KLC4: variants seen among roughly 807,000 people sequenced by gnomAD.
The protein encoded by KLC4 is kinesin light chain 4.
Under a neutral mutation model 77.2 loss-of-function variants are expected in KLC4, and 49 were observed. The ratio of observed to expected loss-of-function variants is 0.63; its 90% CI spans 0.50 to 0.80. The LOEUF (loss-of-function observed/expected upper bound fraction) is 0.80, where lower values mean the gene tolerates loss of function less well. Ranked by LOEUF, KLC4 falls within the 30% of genes least tolerant of loss-of-function variation. The pLI, the probability that KLC4 is intolerant of heterozygous loss-of-function variation, is 0.00. For synonymous variants in KLC4, 274 were observed against 314.5 expected, an observed-to-expected ratio of 0.87 and a Z score of 1.36; for missense variants, 669 against 793.5, an observed-to-expected ratio of 0.84 and a Z score of 1.89.
chr6:43,070,631 C>G (rs745335714), intron 7 of KLC4, 61 bp from the exon 8 acceptor site: 1 of 1,525,026 alleles, frequency 6.6e-7, no homozygotes, highest in Non-Finnish European at 9.0e-7. Flanking sequence ...TGCAAACACA[C>G]GTGTGCTTGT....
chr6:43,066,872 C>T lies in KLC4; in HGVS notation c.792-124C>T, dbSNP rs958610086. ...AGTGAAGCCCCCTTACTGTCCACGCCAGGCTTCCTGTCTCCTCATGGAGGT... is the reference window on the plus strand; with the variant it reads ...AGTGAAGCCCCCTTACTGTCCACGCTAGGCTTCCTGTCTCCTCATGGAGGT... On this transcript the variant is annotated intron_variant, in intron 5 of 15. Transcript: ENST00000347162. 6 of 1,417,714 alleles carry T rather than the reference C, an allele frequency of 4.2e-6. No individual in the cohort carries two copies. In the South Asian group the frequency reaches 5.6e-5, roughly 13 times the overall value. 87.8% of individuals were successfully genotyped at this position (1,417,714 alleles called of 1,614,324 possible). A position where few individuals can be genotyped will look rare whatever the true frequency, so the allele number is the denominator to read the frequency against.
At chr6:43,062,213 T>A (rs957684201) in intron 2 of KLC4, among the ~76,000 whole-genome samples, 2 of 152,130 alleles carry the variant, frequency 1.3e-5, no homozygotes, top group Non-Finnish European at 2.9e-5. Context: ...GGGAGATGGA[T>A]CAAGTGGAAC....
rs1765434933 is a variant in KLC4, at chr6:43,066,435, G to GT, written c.702dup (p.Lys235Ter). The GT allele has an allele frequency of 6.2e-7, 1 of 1,614,074 alleles. No homozygotes were observed. On this transcript the variant is annotated frameshift_variant, in exon 5 of 16. Transcript: ENST00000347162. LOFTEE classifies it high-confidence loss of function. Reference sequence around the variant, plus strand: ...CGCTATGAGGTGGCCGTGCCACTCTGTAAGCAGGCACTAGAGGACCTGGAG... The same window carrying GT: ...CGCTATGAGGTGGCCGTGCCACTCTGTTAAGCAGGCACTAGAGGACCTGGAG...
intron 10 of KLC4, 75 bp from the exon 11 acceptor site, chr6:43,071,777 C>G (rs950403173): frequency 6.5e-7 from 1 of 1,531,782 alleles, no homozygotes; most frequent in Non-Finnish European, 8.9e-7. Context: ...CCCATGCCAC[C>G]TTGCATCTCA....
At chr6:43,060,554 C>T in intron 1 of KLC4, 1 of 1,247,380 alleles carries the variant, frequency 8.0e-7, no homozygotes, top group Non-Finnish European at 1.0e-6. Context: ...AGAACAGTTT[C>T]TTCCGTGCTC....
intron 6 of KLC4, among the ~76,000 whole-genome samples, chr6:43,068,624 A>G (rs1417814959): frequency 6.6e-6 from 1 of 152,064 alleles, no homozygotes; most frequent in Non-Finnish European, 1.5e-5. Flanking sequence ...CCTGGCCAAC[A>G]TGGTAAAACC....
intron 6 of KLC4, 93 bp from the exon 7 acceptor site, chr6:43,070,257 CAGTG>C: frequency 1.3e-6 from 1 of 758,656 alleles, no homozygotes; most frequent in Non-Finnish European, 2.3e-6. Flanking sequence ...TAGAGTTGTG[CAGTG>C]AGTGTTGGGC....
At chr6:43,067,212 A>T in intron 6 of KLC4, 129 bp downstream of exon 6, 1 of 1,445,042 alleles carries the variant, frequency 6.9e-7, no homozygotes, top group Non-Finnish European at 9.2e-7. Flanking sequence ...AGGCATAAGA[A>T]GTCCTTTCTT....
intron 8 of KLC4, 76 bp from the exon 9 acceptor site, chr6:43,071,199 C>CT (rs1481824417): frequency 1.1e-5 from 8 of 725,440 alleles, no homozygotes; most frequent in African/African-American, 6.3e-5. Context: ...AAGACCTTGT[C>CT]TAAAAAAAAA....
intron 6 of KLC4, among the ~76,000 whole-genome samples, chr6:43,069,287 C>T (rs1472780623): frequency 6.6e-6 from 1 of 152,152 alleles, no homozygotes; most frequent in Non-Finnish European, 1.5e-5. Flanking sequence ...CAGTGTCACC[C>T]AGCCTATAGT....
At chr6:43,070,926 AGGGG>A (rs201530763) in intron 8 of KLC4, 61 bp downstream of exon 8, 27 of 106,676 alleles carry the variant, frequency 2.5e-4, no homozygotes, top group Admixed American at 1.6e-3. Flanking sequence ...AGGTGGGGGG[AGGGG>A]GGGCAGGCGG....
At chr6:43,073,748 C>T (rs562486405) in intron 14 of KLC4, 154 bp from the exon 15 acceptor site, 3 of 665,480 alleles carry the variant, frequency 4.5e-6, no homozygotes, top group Middle Eastern at 3.1e-4. Context: ...AGAAGTATCT[C>T]GGAGAGAAAC....
At position 43,059,646 on chromosome 6, in the gene KLC4, C is replaced by T. The variant is rs1051461483; in HGVS notation, c.-65C>T. 11 of 1,369,426 alleles carry T rather than the reference C, an allele frequency of 8.0e-6. No homozygotes were observed. In the African/African-American group the frequency reaches 1.3e-4, roughly 17 times the overall value. The allele number at this position is 1,369,426 out of a possible 1,614,324, so 84.8% of individuals were successfully genotyped here. ...GGCAGCCATCATGGATTTAAAGGGG[C>T]AGTACCGGCAAGAGCGGCAGCCACA... On this transcript the variant is annotated 5_prime_UTR_variant, in exon 1 of 16. The change creates a premature stop within an existing upstream ORF in the 5' untranslated region. Coordinates refer to ENST00000347162, the MANE Select transcript of KLC4 (RefSeq NM_201521.3).
chr6:43,070,899 C>T lies in KLC4; in HGVS notation c.1155+34C>T, dbSNP rs774623803. 1.8e-5 allele frequency: 20 copies of T among 1,088,022 alleles called. No homozygotes were observed. The Admixed American group carries it at 2.0e-4, about 11-fold the overall frequency. The allele number at this position is 1,088,022 out of a possible 1,614,324, so 67.4% of individuals were successfully genotyped here. On this transcript the variant is annotated intron_variant, in intron 8 of 15. Coordinates refer to ENST00000347162, the MANE Select transcript of KLC4 (RefSeq NM_201521.3). ...GGAGGGACAAAGTAGGTGGAAGAAA[C>T]GGAGAGGGGGGCACAGAGGTGGGGG...
At chr6:43,065,722 G>C in intron 4 of KLC4, 21 bp downstream of exon 4, 2 of 1,581,762 alleles carry the variant, frequency 1.3e-6, no homozygotes, top group Non-Finnish European at 1.7e-6. Context: ...CTCTGGAATG[G>C]GAGGGTGAAA....
rs1279053938 is a variant in KLC4, at chr6:43,071,341, C to T, written c.1222C>T (p.Arg408Cys). Residue 408 changes from arginine (R) to cysteine (C), a missense_variant, in exon 9 of 16, where the codon CGT becomes TGT. By Grantham distance (180) the Arg-to-Cys change is radical. Transcript: ENST00000347162. ...GACACTATACAAAGAGATCCTGACC[C>T]GTGCCCATGTACAGGAGTTTGGGTC... is the stretch of plus-strand genomic sequence containing the variant. ...AETLYKEILT[R>C]AHVQEFGSVD... is the part of the protein sequence containing the mutation. 8 of 1,613,658 alleles carry T rather than the reference C, an allele frequency of 5.0e-6. No individual in the cohort carries two copies. The highest frequency in any genetic ancestry group is 4.0e-5 in the African/African-American group (3 of 74,888).
At position 43,070,817 on chromosome 6, in the gene KLC4, G is replaced by A; in HGVS notation, c.1107G>A (p.Gly369=). ...AGCGAGCACTGGCCATCTACGAGGG[G>A]CAGCTGGGGCCGGACAACCCTAATG... ...YYQRALAIYE[G]QLGPDNPNVA... Residue 369 remains glycine, a synonymous_variant, in exon 8 of 16, where the codon GGG becomes GGA. Transcript: ENST00000347162. 6.2e-7 allele frequency: 1 copy of A among 1,611,604 alleles called. No individual in the cohort carries two copies. The highest frequency in any genetic ancestry group is 1.1e-5 in the South Asian group (1 of 91,026).
intron 6 of KLC4, among the ~76,000 whole-genome samples, chr6:43,070,095 CAAAAAAA>C (rs1160489881): frequency 3.8e-5 from 3 of 79,438 alleles, no homozygotes; most frequent in Non-Finnish European, 7.7e-5. Flanking sequence ...ACAACAACAA[CAAAAAAA>C]AAAAAAAAAG....
chr6:43,071,676 C>A (rs1277143287), intron 10 of KLC4, 57 bp downstream of exon 10: 92 of 1,562,196 alleles, frequency 5.9e-5, no homozygotes, highest in Non-Finnish European at 5.2e-5. Context: ...GGGTCTCTGT[C>A]TTACTCCTTG....
Sources: gnomAD v4.1 joint callset for allele counts (sites outside exome capture counted in the v4.1 genomes callset) on GRCh38, gnomAD v4.1.1 for gene constraint, MANE v1.5 for transcripts, NCBI Gene and HGNC (gene_info 2026-07-23, HGNC 2026-07-21) for gene names.